DNAJC1: variants seen among roughly 807,000 people sequenced by gnomAD.
DNAJC1 encodes the protein DnaJ heat shock protein family (Hsp40) member C1, also known as dnaJ homolog subfamily C member 1.
In DNAJC1, 58 loss-of-function variants were observed where a neutral mutation model predicts 76.6. That is an observed-to-expected ratio of 0.76 (90% CI 0.61 to 0.94). DNAJC1 has a LOEUF of 0.94. Among genes scored for constraint, DNAJC1 ranks in the 40% least tolerant of loss-of-function variants. The probability of loss-of-function intolerance (pLI) is 0.00; values close to 1 mark genes in which losing one functional copy is unlikely to be tolerated. For missense variants in DNAJC1, 689 were observed against 677.3 expected (o/e 1.02, Z -0.19); for synonymous variants, 258 against 267.9 (o/e 0.96, Z 0.36).
intron 7 of DNAJC1, among the ~76,000 whole-genome samples, chr10:21,895,301 G>T (rs950865413): frequency 2.0e-5 from 3 of 152,156 alleles, no homozygotes; most frequent in African/African-American, 7.2e-5. Flanking sequence ...GACAGTAAAG[G>T]CCATTCTGAT....
intron 8 of DNAJC1, among the ~76,000 whole-genome samples, chr10:21,832,337 C>T (rs1348403861): frequency 1.3e-5 from 2 of 152,154 alleles, no homozygotes; most frequent in African/African-American, 4.8e-5. Flanking sequence ...TTTTAGCCAT[C>T]AAATGTATGT....
intron 9 of DNAJC1, among the ~76,000 whole-genome samples, chr10:21,768,873 A>C (rs184527572): frequency 6.6e-6 from 1 of 152,274 alleles, no homozygotes; most frequent in East Asian, 1.9e-4. Context: ...ATCCTCACAG[A>C]ACTATGCTCC....
At chr10:21,756,785 CA>C (rs1423707668) in intron 11 of DNAJC1, 30 bp from the exon 12 acceptor site, 1 of 1,604,040 alleles carries the variant, frequency 6.2e-7, no homozygotes. Flanking sequence ...GAGGTGAGAA[CA>C]GTCACTTGCA....
At position 21,796,344 on chromosome 10, in the gene DNAJC1, A is replaced by G. The variant is rs1834750572; in HGVS notation, c.1098+9636T>C. 2.0e-5 allele frequency among the ~76,000 whole-genome samples: 3 copies of G among 152,220 alleles called. No homozygotes were observed. In the South Asian group the frequency reaches 6.2e-4, roughly 32 times the overall value. On this transcript the variant is annotated intron_variant, in intron 9 of 11. Coordinates refer to ENST00000376980, the MANE Select transcript of DNAJC1 (RefSeq NM_022365.4). ...CATCTTCTCTAGCCATCCATCCATC[A>G]ATGGACATTTAGGCTGTTTCCATGT...
intron 9 of DNAJC1, among the ~76,000 whole-genome samples, chr10:21,779,859 C>T (rs1446816224): frequency 2.0e-5 from 3 of 152,052 alleles, no homozygotes; most frequent in Middle Eastern, 3.2e-3. Flanking sequence ...AAAGATTAGA[C>T]GAATGGCTAA....
chr10:21,839,287 C>T (rs1457806755), intron 8 of DNAJC1, among the ~76,000 whole-genome samples: 1 of 152,122 alleles, frequency 6.6e-6, no homozygotes, highest in African/African-American at 2.4e-5. Flanking sequence ...ACAAAAAATC[C>T]TTTAAAAAAT....
intron 9 of DNAJC1, among the ~76,000 whole-genome samples, chr10:21,778,726 T>G (rs908797049): frequency 2.6e-5 from 4 of 152,198 alleles, no homozygotes; most frequent in Non-Finnish European, 5.9e-5. Context: ...TTCATCTCAC[T>G]GGGGCTTGTC....
Position 21,800,081 on chromosome 10 carries a change from T to C in DNAJC1, c.1098+5899A>G, listed in dbSNP as rs994363008. Among the ~76,000 whole-genome samples the C allele has an allele frequency of 1.6e-4, 25 of 152,186 alleles. 1 individual carries two copies. Among genetic ancestry groups the C allele is most frequent in the Admixed American group, 1.3e-3 (20 of 15,264 alleles). On this transcript the variant is annotated intron_variant, in intron 9 of 11. Coordinates refer to ENST00000376980, the MANE Select transcript of DNAJC1 (RefSeq NM_022365.4). ...GAGACTCTTACAAAGTTGTTTCAGG[T>C]GTCCCCAAATCCTGAAAACTTAACT...
At chr10:21,828,691 A>C (rs1015628691) in intron 8 of DNAJC1, among the ~76,000 whole-genome samples, 2 of 152,212 alleles carry the variant, frequency 1.3e-5, no homozygotes, top group Non-Finnish European at 2.9e-5. Flanking sequence ...TCCTCCCTCC[A>C]TATTACTTTA....
chr10:21,981,777 C>T (rs1319394792), intron 1 of DNAJC1, among the ~76,000 whole-genome samples: 3 of 152,162 alleles, frequency 2.0e-5, no homozygotes, highest in Admixed American at 2.0e-4. Flanking sequence ...GTCTCCTTGA[C>T]TAAACTCTAG....
intron 1 of DNAJC1, among the ~76,000 whole-genome samples, chr10:21,948,897 T>C (rs145185468): frequency 1.6e-3 from 238 of 152,304 alleles, no homozygotes; most frequent in African/African-American, 5.4e-3. Context: ...TCCCTCCCAA[T>C]TGGAGAATTT....
At chr10:21,858,804 TAAAA>T (rs1835880141) in intron 8 of DNAJC1, among the ~76,000 whole-genome samples, 1 of 152,202 alleles carries the variant, frequency 6.6e-6, no homozygotes, top group Non-Finnish European at 1.5e-5. Context: ...TATTTTATTT[TAAAA>T]GAGTTTATTT....
intron 1 of DNAJC1, among the ~76,000 whole-genome samples, chr10:21,990,285 C>G (rs536055142): frequency 2.0e-5 from 3 of 152,224 alleles, no homozygotes; most frequent in Admixed American, 2.0e-4. Context: ...ACAACTGTAA[C>G]TATGGTGGCT....
rs78766176 is a variant in DNAJC1 at position 21,783,186 on chromosome 10, A to C, written c.1099-16877T>G. 3.1e-3 allele frequency among the ~76,000 whole-genome samples: 477 copies of C among 152,334 alleles called. 4 individuals are homozygous for C. Among genetic ancestry groups the C allele is most frequent in the African/African-American group, 0.011 (443 of 41,576 alleles). ...CAGCCCAAAATCTCCTTAAACTGAT[A>C]AGCAACTTCAGCAAAGTCTCAGGAT... On this transcript the variant is annotated intron_variant, in intron 9 of 11. Transcript: ENST00000376980.
At chr10:21,935,373 G>A (rs750917031) in intron 1 of DNAJC1, among the ~76,000 whole-genome samples, 1 of 152,130 alleles carries the variant, frequency 6.6e-6, no homozygotes, top group East Asian at 1.9e-4. Flanking sequence ...TCAACAGCAG[G>A]CTTGAGTAGG....
chr10:21,816,844 C>T (rs373778322), intron 8 of DNAJC1, among the ~76,000 whole-genome samples: 5 of 137,542 alleles, frequency 3.6e-5, no homozygotes, highest in East Asian at 2.3e-4. Context: ...CACGCCCGGC[C>T]GAGACTCTGT....
intron 8 of DNAJC1, among the ~76,000 whole-genome samples, chr10:21,864,091 C>T (rs770904680): frequency 2.4e-4 from 37 of 152,064 alleles, no homozygotes; most frequent in Non-Finnish European, 4.6e-4. Context: ...CCTGTAGTCC[C>T]AGCTACTCAA....
At chr10:21,796,706 T>A (rs1188315846) in intron 9 of DNAJC1, among the ~76,000 whole-genome samples, 1 of 152,220 alleles carries the variant, frequency 6.6e-6, no homozygotes, top group Non-Finnish European at 1.5e-5. Context: ...ATTAGAGATG[T>A]TGAGCACCTT....
chr10:21,840,986 A>G (rs1470032012), intron 8 of DNAJC1, among the ~76,000 whole-genome samples: 1 of 152,252 alleles, frequency 6.6e-6, no homozygotes, highest in East Asian at 1.9e-4. Context: ...AAACCTGACA[A>G]AAACAAGCAA....
Sources: allele counts gnomAD v4.1 joint callset (sites outside exome capture counted in the v4.1 genomes callset), GRCh38; gene constraint gnomAD v4.1.1; transcripts MANE v1.5; gene names NCBI Gene and HGNC (gene_info 2026-07-23, HGNC 2026-07-21).